OTOP1: variants seen among roughly 807,000 people sequenced by gnomAD.
OTOP1 encodes otopetrin 1.
OTOP1 carries 59 observed loss-of-function variants against 52.9 expected under a neutral mutation model. The ratio of observed to expected loss-of-function variants is 1.12; its 90% CI spans 0.91 to 1.39. OTOP1 has a LOEUF of 1.39. Ranked by LOEUF, OTOP1 falls within the 40% of genes most tolerant of loss-of-function variation. The pLI is 0.00. For synonymous variants in OTOP1, 317 were observed against 337.7 expected (o/e 0.94, Z 0.67); for missense variants, 761 against 800.9 (o/e 0.95, Z 0.60).
rs776664939 is a variant in OTOP1, at chr4:4,197,249, G to A, written c.1585C>T (p.Arg529Cys). The stretch of plus-strand genomic sequence containing the variant: ...TTGCCCTGTAAGAAACGGGGAAGGC[G>A]GACTGGGCTTGGGCTCCCTCCCCAG... ...SSWGGSPSPV[R>C]LPRFLQGNAK... Residue 529 changes from arginine (R) to cysteine (C), a missense_variant, in exon 5 of 6, where the codon CGC becomes TGC. Arg to Cys is a radical substitution (Grantham distance 180). Transcript: ENST00000296358. 2.3e-5 allele frequency: 37 copies of A among 1,614,022 alleles called. No individual in the cohort carries two copies. Among genetic ancestry groups the A allele is most frequent in the Admixed American group, 3.3e-5 (2 of 60,000 alleles).
At chr4:4,225,795 G>A (rs1308268226) in intron 1 of OTOP1, among the ~76,000 whole-genome samples, 1 of 152,118 alleles carries the variant, frequency 6.6e-6, no homozygotes, top group Non-Finnish European at 1.5e-5. Flanking sequence ...GAGCTCCCCA[G>A]TGGAGTGGAG....
At chr4:4,213,136 G>T in intron 1 of OTOP1, 132 bp from the exon 2 acceptor site, 1 of 1,177,474 alleles carries the variant, frequency 8.5e-7, no homozygotes, top group Non-Finnish European at 1.2e-6. Context: ...CAAGGGTGCC[G>T]AGACCATTCA....
chr4:4,226,461 C>T lies in OTOP1; in HGVS notation c.403+1G>A, dbSNP rs1330338838. ...CCCGCTCGCCCGGCGCCTGGACTCA[C>T]CGCGCAGCCAGCCGGCACCCGCGTG... On this transcript the variant is annotated splice_donor_variant, in intron 1 of 5. Transcript: ENST00000296358. LOFTEE classifies it high-confidence loss of function. The T allele has an allele frequency of 4.7e-6, 7 of 1,482,306 alleles. No individual in the cohort carries two copies. Among genetic ancestry groups the T allele is most frequent in the African/African-American group, 1.4e-5 (1 of 69,126 alleles). The allele number at this position is 1,482,306 out of a possible 1,614,324, so 91.8% of individuals were successfully genotyped here.
intron 4 of OTOP1, among the ~76,000 whole-genome samples, chr4:4,200,267 G>A (rs1284660721): frequency 1.4e-4 from 21 of 151,862 alleles, no homozygotes; most frequent in African/African-American, 5.1e-4. Context: ...AGGCCGAGGC[G>A]GGCGGATCAC....
At position 4,188,987 on chromosome 4, in the gene OTOP1, G is replaced by C. The variant is rs769330018; in HGVS notation, c.1669-14C>G. 2.3e-5 allele frequency: 37 copies of C among 1,609,224 alleles called. No individual in the cohort carries two copies. Among genetic ancestry groups the C allele is most frequent in the Middle Eastern group, 3.3e-4 (2 of 6,030 alleles). On this transcript the variant is annotated splice_polypyrimidine_tract_variant and intron_variant, in intron 5 of 5. Transcript: ENST00000296358. ...AGGTATCCAAAGCTGCAAGAGAAGAGAAAATGGCATGTGGTGGGGAGCAGC... is the reference window on the plus strand; with the variant it reads ...AGGTATCCAAAGCTGCAAGAGAAGACAAAATGGCATGTGGTGGGGAGCAGC...
At chr4:4,194,815 G>C (rs527854820) in intron 5 of OTOP1, among the ~76,000 whole-genome samples, 1 of 152,176 alleles carries the variant, frequency 6.6e-6, no homozygotes, top group Non-Finnish European at 1.5e-5. Context: ...GACTCATGCG[G>C]TGGCAAAGGC....
rs1358544455 is a variant in OTOP1, at chr4:4,197,669, G to C, written c.1165C>G (p.Leu389Val). Reference sequence around the variant, plus strand: ...GTGCCCACCAAGAGGTCCGAGTCCAGTTTGCGGGCCGGATTTTTGGACTCA... The same window carrying C: ...GTGCCCACCAAGAGGTCCGAGTCCACTTTGCGGGCCGGATTTTTGGACTCA... ...LDESKNPARK[L>V]DSDLLVGTAS... The change falls in exon 5 of 6, where the codon CTG becomes GTG. Residue 389 changes from leucine to valine, a missense_variant. By Grantham distance (32) the Leu-to-Val change is conservative. Around this residue, in one of 3 missense-constraint regions of OTOP1, gnomAD observed 632 missense variants for 619.5 expected, o/e 1.02. Transcript: ENST00000296358. 1 of 1,613,602 alleles carries C rather than the reference G, an allele frequency of 6.2e-7. No individual in the cohort carries two copies. The highest frequency in any genetic ancestry group is 8.5e-7 in the Non-Finnish European group (1 of 1,179,988).
intron 1 of OTOP1, among the ~76,000 whole-genome samples, chr4:4,219,985 G>A (rs138306175): frequency 0.015 from 1,486 of 100,370 alleles, 49 homozygotes; most frequent in African/African-American, 0.06. Context: ...ACATATATAC[G>A]TATATAGGTG....
rs754401032 is a variant in OTOP1, at chr4:4,212,942, T to C, written c.466A>G (p.Ile156Val). ...ILGCLKIGYF[I>V]GFSECLSATE... ...GCTGATAAACATTCTGAAAATCCAATGAAGTATCCAATTTTAAGGCATCCC... is the reference window on the plus strand; with the variant it reads ...GCTGATAAACATTCTGAAAATCCAACGAAGTATCCAATTTTAAGGCATCCC... The change falls in exon 2 of 6, where the codon ATT becomes GTT. Residue 156 changes from isoleucine to valine, a missense_variant. Ile to Val is a conservative substitution (Grantham distance 29). Around this residue, in one of 3 missense-constraint regions of OTOP1, gnomAD observed 632 missense variants for 619.5 expected, o/e 1.02. Transcript: ENST00000296358. 2 of 1,614,058 alleles carry C rather than the reference T, an allele frequency of 1.2e-6. No individual in the cohort carries two copies. The highest frequency in any genetic ancestry group is 1.7e-6 in the Non-Finnish European group (2 of 1,179,934).
intron 2 of OTOP1, among the ~76,000 whole-genome samples, chr4:4,206,453 T>C (rs989886999): frequency 6.6e-6 from 1 of 152,234 alleles, no homozygotes; most frequent in Non-Finnish European, 1.5e-5. Context: ...TGCTTGACAT[T>C]AATCCTATAA....
At chr4:4,209,260 AG>A (rs1165079576) in intron 2 of OTOP1, among the ~76,000 whole-genome samples, 1 of 152,182 alleles carries the variant, frequency 6.6e-6, no homozygotes, top group Non-Finnish European at 1.5e-5. Context: ...CAGGTTTGGC[AG>A]TATTTGCCAC....
chr4:4,193,627 C>T (rs1051823273), intron 5 of OTOP1, among the ~76,000 whole-genome samples: 8 of 152,302 alleles, frequency 5.3e-5, no homozygotes, highest in Non-Finnish European at 8.8e-5. Flanking sequence ...TTTCCATCCT[C>T]TGCTTCAATC....
intron 3 of OTOP1, among the ~76,000 whole-genome samples, chr4:4,203,411 G>A (rs530228351): frequency 6.6e-6 from 1 of 152,218 alleles, no homozygotes; most frequent in Non-Finnish European, 1.5e-5. Flanking sequence ...TGAGCCCATG[G>A]TCATATATGG....
At chr4:4,214,091 C>CA (rs1266088952) in intron 1 of OTOP1, among the ~76,000 whole-genome samples, 1 of 151,788 alleles carries the variant, frequency 6.6e-6, no homozygotes. Flanking sequence ...ACTCTGTCTC[C>CA]AAAAATCAAT....
chr4:4,216,771 A>G (rs924044910), intron 1 of OTOP1, among the ~76,000 whole-genome samples: 4 of 152,218 alleles, frequency 2.6e-5, no homozygotes, highest in Non-Finnish European at 5.9e-5. Context: ...GCAAGAGCAC[A>G]GGCATGAAAC....
At chr4:4,223,444 T>TG (rs150969457) in intron 1 of OTOP1, among the ~76,000 whole-genome samples, 7 of 137,198 alleles carry the variant, frequency 5.1e-5, no homozygotes, top group African/African-American at 2.0e-4. Context: ...GATGGATGGA[T>TG]GATGAATAAG....
rs183039178 is a variant in OTOP1, at chr4:4,218,933, A to G, written c.404-5929T>C. On this transcript the variant is annotated intron_variant, in intron 1 of 5. Coordinates refer to ENST00000296358, the MANE Select transcript of OTOP1 (RefSeq NM_177998.3). ...AACAAAGCGAGACTCCGTCTCAAAA[A>G]AAAAAGAATGAAGTAATATGCATCT... Among the ~76,000 whole-genome samples, 409 of 152,304 alleles carry G rather than the reference A, an allele frequency of 2.7e-3. 2 individuals carry two copies. Among genetic ancestry groups the G allele is most frequent in the African/African-American group, 9.4e-3 (390 of 41,566 alleles).
intron 5 of OTOP1, 130 bp from the exon 6 acceptor site, chr4:4,189,103 A>G (rs553827720): frequency 2.6e-6 from 2 of 769,484 alleles, no homozygotes; most frequent in South Asian, 4.0e-5. Flanking sequence ...TGACAGAACA[A>G]TAAGGAGACC....
At chr4:4,221,288 T>G (rs1347772550) in intron 1 of OTOP1, among the ~76,000 whole-genome samples, 1 of 151,980 alleles carries the variant, frequency 6.6e-6, no homozygotes, top group Non-Finnish European at 1.5e-5. Flanking sequence ...CCAGGCGTAG[T>G]AGCACACACC....
Sources: gnomAD v4.1 joint callset for allele counts (sites outside exome capture counted in the v4.1 genomes callset) on GRCh38, gnomAD v4.1.1 for gene constraint, gnomAD v4.1.1 regional missense constraint, MANE v1.5 for transcripts, NCBI Gene and HGNC (gene_info 2026-07-23, HGNC 2026-07-21) for gene names.